SYT14: variants seen among roughly 807,000 people sequenced by gnomAD.
SYT14 encodes the protein synaptotagmin 14.
SYT14 carries 32 observed loss-of-function variants against 74.2 expected under a neutral mutation model. The ratio of observed to expected loss-of-function variants is 0.43; its 90% CI spans 0.33 to 0.58. The LOEUF is 0.58. SYT14 is among the 20% of genes least tolerant of loss of function. The probability of loss-of-function intolerance (pLI) is 0.05; values close to 1 mark genes in which losing one functional copy is unlikely to be tolerated. For missense variants in SYT14, 791 were observed against 981.8 expected, an observed-to-expected ratio of 0.81 and a Z score of 2.60; for synonymous variants, 298 against 337.7, an observed-to-expected ratio of 0.88 and a Z score of 1.29.
At chr1:209,976,261 G>T (rs1275028877) in intron 2 of SYT14, among the ~76,000 whole-genome samples, 1 of 148,998 alleles carries the variant, frequency 6.7e-6, no homozygotes, top group East Asian at 2.0e-4. Context: ...GAATGTGTTT[G>T]CTCTTGCTTC....
chr1:210,079,085 C>T (rs1306571142), intron 5 of SYT14, among the ~76,000 whole-genome samples: 1 of 151,990 alleles, frequency 6.6e-6, no homozygotes, highest in Non-Finnish European at 1.5e-5. Context: ...AGTATTGTAA[C>T]AATTTTTTAA....
At chr1:209,979,429 A>G (rs1205043890) in intron 2 of SYT14, among the ~76,000 whole-genome samples, 1 of 151,896 alleles carries the variant, frequency 6.6e-6, no homozygotes, top group Non-Finnish European at 1.5e-5. Flanking sequence ...AGGACAGCAG[A>G]CAAATGGGTC....
intron 7 of SYT14, among the ~76,000 whole-genome samples, chr1:210,149,291 T>C (rs907877316): frequency 6.6e-6 from 1 of 151,638 alleles, no homozygotes; most frequent in Admixed American, 6.6e-5. Context: ...TTCAAGCAAT[T>C]TTCATGCCTC....
At chr1:210,045,931 A>G (rs1443871557) in intron 5 of SYT14, among the ~76,000 whole-genome samples, 1 of 152,214 alleles carries the variant, frequency 6.6e-6, no homozygotes, top group Non-Finnish European at 1.5e-5. Flanking sequence ...CTTGGAAAAT[A>G]TATTATTTTT....
At chr1:210,066,048 AC>A (rs1228232151) in intron 5 of SYT14, among the ~76,000 whole-genome samples, 4 of 151,742 alleles carry the variant, frequency 2.6e-5, no homozygotes, top group African/African-American at 9.7e-5. Flanking sequence ...CCTACAAAGG[AC>A]ATGAACTCAT....
intron 5 of SYT14, among the ~76,000 whole-genome samples, chr1:210,083,308 A>G (rs2081653283): frequency 6.6e-6 from 1 of 152,186 alleles, no homozygotes; most frequent in Admixed American, 6.5e-5. Context: ...GGATTATTTC[A>G]AACCATCAGG....
chr1:210,132,305 G>A (rs1049660044), intron 7 of SYT14, among the ~76,000 whole-genome samples: 1 of 151,358 alleles, frequency 6.6e-6, no homozygotes, highest in Admixed American at 6.6e-5. Context: ...TTCCCATCCT[G>A]GCATGGACAT....
intron 2 of SYT14, among the ~76,000 whole-genome samples, chr1:210,001,024 T>C (rs1295618409): frequency 1.3e-5 from 2 of 152,226 alleles, no homozygotes; most frequent in Non-Finnish European, 1.5e-5. Context: ...AATAAAGGAC[T>C]CTTGTTTTCA....
intron 7 of SYT14, among the ~76,000 whole-genome samples, chr1:210,105,240 A>C (rs894012345): frequency 6.6e-6 from 1 of 152,210 alleles, no homozygotes; most frequent in Non-Finnish European, 1.5e-5. Context: ...CAGGGTTTGC[A>C]AACTATGACT....
exon 10 of SYT14, chr1:210,162,456 TTTC>T (rs1173046536): frequency 8.4e-6 from 3 of 355,688 alleles, no homozygotes; most frequent in Non-Finnish European, 1.6e-5. Context: ...TATAAGCTGT[TTTC>T]TTTTTAATTT....
chr1:210,108,625 G>T (rs75819004), intron 7 of SYT14, among the ~76,000 whole-genome samples: 4,913 of 147,502 alleles, frequency 0.033, 570 homozygotes, highest in Admixed American at 0.23. Flanking sequence ...CAAATGATTT[G>T]ATTAAAAAAA....
At chr1:210,149,244 G>T (rs978742649) in intron 7 of SYT14, among the ~76,000 whole-genome samples, 3 of 145,556 alleles carry the variant, frequency 2.1e-5, no homozygotes, top group African/African-American at 7.7e-5. Context: ...GAGTACAATG[G>T]CATGATGTCG....
intron 8 of SYT14, 70 bp downstream of exon 7, chr1:210,155,980 C>T: frequency 7.5e-7 from 1 of 1,335,126 alleles, no homozygotes; most frequent in South Asian, 1.2e-5. Flanking sequence ...TTAGGGAGTT[C>T]AATCCTATCA....
exon 10 of SYT14, chr1:210,165,578 T>C (rs917504661): frequency 3.3e-5 from 5 of 152,194 alleles, no homozygotes; most frequent in African/African-American, 1.2e-4. Flanking sequence ...GTCTAGCCCA[T>C]ATCTCACTCA....
At chr1:209,974,584 T>G (rs1457900465) in intron 2 of SYT14, among the ~76,000 whole-genome samples, 3 of 152,212 alleles carry the variant, frequency 2.0e-5, no homozygotes, top group Non-Finnish European at 4.4e-5. Context: ...TCTGTTGTGG[T>G]ACCAGTACCA....
chr1:210,004,200 G>T (rs551669968), intron 2 of SYT14, among the ~76,000 whole-genome samples: 6 of 151,876 alleles, frequency 4.0e-5, no homozygotes, highest in Non-Finnish European at 8.8e-5. Context: ...TAGTAACCTT[G>T]AAATTATCCA....
chr1:210,148,299 G>A (rs2083083440), intron 7 of SYT14, among the ~76,000 whole-genome samples: 4 of 152,112 alleles, frequency 2.6e-5, no homozygotes, highest in Middle Eastern at 3.2e-3. Context: ...ACGAGGTCAG[G>A]AGATCAAGAC....
At chr1:210,048,182 A>G (rs935138151) in intron 5 of SYT14, among the ~76,000 whole-genome samples, 1 of 152,080 alleles carries the variant, frequency 6.6e-6, no homozygotes, top group Non-Finnish European at 1.5e-5. Context: ...TTCTTTTTCT[A>G]TTCAGTGTTA....
At chr1:210,040,700 A>G (rs2080770718) in intron 5 of SYT14, among the ~76,000 whole-genome samples, 1 of 152,156 alleles carries the variant, frequency 6.6e-6, no homozygotes, top group Non-Finnish European at 1.5e-5. Flanking sequence ...TATGGTATGC[A>G]TCTTCCAGCA....
Sources: gnomAD v4.1 joint callset for allele counts (sites outside exome capture counted in the v4.1 genomes callset) on GRCh38, gnomAD v4.1.1 for gene constraint, MANE v1.5 for transcripts, NCBI Gene and HGNC (gene_info 2026-07-23, HGNC 2026-07-21) for gene names.